WDR72: variants seen among roughly 807,000 people sequenced by gnomAD.
WDR72 encodes WD repeat-containing protein 72.
WDR72 carries 120 observed loss-of-function variants against 124.2 expected under a neutral mutation model. The ratio of observed to expected loss-of-function variants is 0.97; its 90% CI spans 0.83 to 1.12. The LOEUF is 1.12. WDR72 is among the 50% of genes most tolerant of loss of function. WDR72 has a pLI of 0.00. For synonymous variants in WDR72, 452 were observed against 441.7 expected, an observed-to-expected ratio of 1.02 and a Z score of -0.29; for missense variants, 1,387 against 1,278.8, an observed-to-expected ratio of 1.08 and a Z score of -1.29.
chr15:53,558,559 T>C (rs1429041349), intron 18 of WDR72, among the ~76,000 whole-genome samples: 2 of 152,120 alleles, frequency 1.3e-5, no homozygotes, highest in East Asian at 1.9e-4. Flanking sequence ...CAAAGATTAT[T>C]TGATTATGTC....
chr15:53,573,446 TG>T (rs538720720), intron 18 of WDR72, among the ~76,000 whole-genome samples: 123 of 152,352 alleles, frequency 8.1e-4, no homozygotes, highest in African/African-American at 2.9e-3. Context: ...TGATTCATTT[TG>T]GTCATTGCTA....
At chr15:53,722,967 C>A (rs939462730) in intron 2 of WDR72, 59 bp from the exon 3 acceptor site, 1 of 1,446,968 alleles carries the variant, frequency 6.9e-7, no homozygotes, top group African/African-American at 1.4e-5. Context: ...AATAAAAACA[C>A]CACAATATAG....
chr15:53,648,589 T>C (rs2015124689), intron 14 of WDR72, among the ~76,000 whole-genome samples: 2 of 152,142 alleles, frequency 1.3e-5, no homozygotes. Flanking sequence ...TTTTTTAAAA[T>C]AGTGTTTCTC....
chr15:53,588,665 A>G (rs1458877741), intron 18 of WDR72, among the ~76,000 whole-genome samples: 1 of 152,034 alleles, frequency 6.6e-6, no homozygotes, highest in East Asian at 1.9e-4. Context: ...GCCACATACT[A>G]GACACTGTGC....
At chr15:53,519,099 T>A (rs1891638728) in intron 19 of WDR72, among the ~76,000 whole-genome samples, 1 of 152,082 alleles carries the variant, frequency 6.6e-6, no homozygotes, top group Non-Finnish European at 1.5e-5. Flanking sequence ...AATTATTAAT[T>A]TTCCAAGCCA....
chr15:53,649,420 T>A (rs1451318915), intron 14 of WDR72, among the ~76,000 whole-genome samples: 3 of 151,998 alleles, frequency 2.0e-5, no homozygotes, highest in Non-Finnish European at 4.4e-5. Context: ...AATATAAATA[T>A]AAAGAAAGCA....
intron 18 of WDR72, among the ~76,000 whole-genome samples, chr15:53,551,251 G>T (rs886595215): frequency 6.6e-6 from 1 of 152,036 alleles, no homozygotes; most frequent in Non-Finnish European, 1.5e-5. Flanking sequence ...AGCTGGAGAG[G>T]AGAGAGGTCA....
In WDR72 at chr15:53,517,599, CTT is replaced by C; in HGVS notation, c.*98_*99del. 1 of 1,289,390 alleles carries C rather than the reference CTT, an allele frequency of 7.8e-7. No homozygotes were observed. Among genetic ancestry groups the C allele is most frequent in the Admixed American group, 1.7e-5 (1 of 59,044 alleles). The allele number at this position is 1,289,390 out of a possible 1,614,324, so 79.9% of individuals were successfully genotyped here. A position where few individuals can be genotyped will look rare whatever the true frequency, so the allele number is the denominator to read the frequency against. ...TAGCAAATCCACTACAGCCTAATAA[CTT>C]GACCAATAACAACAATGCTTTTATA... On this transcript the variant is annotated 3_prime_UTR_variant, in exon 20 of 20. Transcript: ENST00000360509.
chr15:53,601,542 G>A (rs561385460), intron 17 of WDR72, among the ~76,000 whole-genome samples: 11 of 152,068 alleles, frequency 7.2e-5, no homozygotes, highest in South Asian at 2.1e-4. Context: ...ACTGAATGCC[G>A]CAATTAAATG....
Position 53,668,920 on chromosome 15 carries a change from A to G in WDR72, c.1766-3152T>C, listed in dbSNP as rs1225368352. Among the ~76,000 whole-genome samples the G allele has an allele frequency of 1.2e-4, 13 of 112,056 alleles. No individual in the cohort carries two copies. In the South Asian group the frequency reaches 4.3e-3, roughly 37 times the overall value. 73.5% of individuals were successfully genotyped at this position (112,056 alleles called of 152,430 possible). On this transcript the variant is annotated intron_variant, in intron 13 of 19. Transcript: ENST00000360509. ...ACCTCGTCTCAAAAAAAAAAAAAAAAAGAGGAAGGAGGAGGAGGAGGAGGA... is the reference window on the plus strand; with the variant it reads ...ACCTCGTCTCAAAAAAAAAAAAAAAGAGAGGAAGGAGGAGGAGGAGGAGGA...
chr15:53,573,515 C>T (rs1012559174), intron 18 of WDR72, among the ~76,000 whole-genome samples: 1 of 151,540 alleles, frequency 6.6e-6, no homozygotes, highest in African/African-American at 2.4e-5. Context: ...AATTTTAACT[C>T]CTTTATCCAT....
At chr15:53,636,144 T>C (rs1308325818) in intron 14 of WDR72, among the ~76,000 whole-genome samples, 1 of 152,200 alleles carries the variant, frequency 6.6e-6, no homozygotes, top group Non-Finnish European at 1.5e-5. Flanking sequence ...TCAAATGCAG[T>C]GGTACATATT....
intron 13 of WDR72, among the ~76,000 whole-genome samples, chr15:53,699,396 T>C (rs969495039): frequency 2.6e-5 from 4 of 152,202 alleles, no homozygotes; most frequent in African/African-American, 9.7e-5. Flanking sequence ...GCTGAGATGG[T>C]GAGCATGCTG....
chr15:53,567,435 A>G (rs143974133), intron 18 of WDR72, among the ~76,000 whole-genome samples: 358 of 152,136 alleles, frequency 2.4e-3, no homozygotes, highest in Middle Eastern at 0.014. Context: ...AGGAAACAAA[A>G]AGCCCAAAAA....
At chr15:53,530,375 T>C (rs1479183457) in intron 18 of WDR72, among the ~76,000 whole-genome samples, 1 of 151,744 alleles carries the variant, frequency 6.6e-6, no homozygotes, top group South Asian at 2.1e-4. Flanking sequence ...AGAAGTATGG[T>C]GGTGAATGAT....
intron 3 of WDR72, among the ~76,000 whole-genome samples, chr15:53,719,545 A>T (rs550114487): frequency 6.6e-6 from 1 of 152,288 alleles, no homozygotes; most frequent in East Asian, 1.9e-4. Flanking sequence ...TTCAATATGA[A>T]GCATAGCATC....
chr15:53,595,080 T>C (rs2012707618), intron 18 of WDR72, among the ~76,000 whole-genome samples: 1 of 152,258 alleles, frequency 6.6e-6, no homozygotes, highest in African/African-American at 2.4e-5. Flanking sequence ...GTTCTTGTTC[T>C]TTTAAATAAA....
intron 18 of WDR72, among the ~76,000 whole-genome samples, chr15:53,575,066 A>G (rs1052159902): frequency 6.6e-6 from 1 of 152,036 alleles, no homozygotes; most frequent in Non-Finnish European, 1.5e-5. Context: ...ATACACATAC[A>G]TGTATACATA....
At chr15:53,552,409 G>A (rs769047205) in intron 18 of WDR72, among the ~76,000 whole-genome samples, 1 of 152,210 alleles carries the variant, frequency 6.6e-6, no homozygotes, top group African/African-American at 2.4e-5. Flanking sequence ...CAGGACCAAC[G>A]TGACCTTTAC....
Sources: gnomAD v4.1 joint callset for allele counts (sites outside exome capture counted in the v4.1 genomes callset) on GRCh38, gnomAD v4.1.1 for gene constraint, MANE v1.5 for transcripts, NCBI Gene and HGNC (gene_info 2026-07-23, HGNC 2026-07-21) for gene names.